Variants in DHX15 observed in about 807,000 individuals in gnomAD.
DHX15 encodes DEAH-box helicase 15.
DHX15 carries 11 observed loss-of-function variants against 94.4 expected under a neutral mutation model. The observed-to-expected ratio is 0.12, with a 90% confidence interval of 0.07 to 0.19. DHX15 has a LOEUF of 0.19. DHX15 is among the 10% of genes least tolerant of loss of function. The probability of loss-of-function intolerance (pLI) is 1.00; values close to 1 mark genes in which losing one functional copy is unlikely to be tolerated. For missense variants in DHX15, 304 were observed against 988.5 expected, an observed-to-expected ratio of 0.31 and a Z score of 9.29; for synonymous variants, 338 against 329.9, an observed-to-expected ratio of 1.02 and a Z score of -0.27.
At chr4:24,539,293 C>T (rs868833747) in intron 10 of DHX15, 61 of 152,246 alleles carry the variant, frequency 4.0e-4, no homozygotes, top group African/African-American at 1.3e-3. Flanking sequence ...AGTCAGTTCT[C>T]TCCCGTGCTA....
chr4:24,532,209 C>T (rs1004341506), intron 12 of DHX15, among the ~76,000 whole-genome samples: 3 of 152,116 alleles, frequency 2.0e-5, no homozygotes, highest in Non-Finnish European at 4.4e-5. Flanking sequence ...TTCTTATAGC[C>T]GTTAACACAG....
intron 11 of DHX15, among the ~76,000 whole-genome samples, chr4:24,534,931 C>T (rs1417726706): frequency 4.0e-5 from 6 of 148,714 alleles, no homozygotes; most frequent in Admixed American, 1.3e-4. Context: ...AATAATAACA[C>T]GTGGGGATCT....
intron 6 of DHX15, among the ~76,000 whole-genome samples, chr4:24,545,816 A>G (rs1721410271): frequency 1.3e-5 from 2 of 152,192 alleles, no homozygotes; most frequent in Non-Finnish European, 1.5e-5. Context: ...AATCAATATA[A>G]TTGTTACATG....
chr4:24,581,946 T>C (rs754284405), intron 1 of DHX15, among the ~76,000 whole-genome samples: 3 of 152,132 alleles, frequency 2.0e-5, no homozygotes, highest in Non-Finnish European at 4.4e-5. Context: ...TTTGGGAGCA[T>C]TAATATAAGT....
At chr4:24,544,826 GA>G (rs1282180202) in intron 6 of DHX15, among the ~76,000 whole-genome samples, 1 of 152,202 alleles carries the variant, frequency 6.6e-6, no homozygotes, top group African/African-American at 2.4e-5. Context: ...AAACTATACA[GA>G]ATAGGCCAGG....
rs1429354149 is a variant in DHX15, at chr4:24,584,491, CT to C, written c.-99del. On this transcript the variant is annotated 5_prime_UTR_variant, in exon 1 of 14. Transcript: ENST00000336812. ...ACTTAACTCTGGAGGACCCCCACCC[CT>C]CCCGCTACTACAGCCCACACGGTGC... 1 of 1,175,194 alleles carries C rather than the reference CT, an allele frequency of 8.5e-7. No homozygotes were observed. Among genetic ancestry groups the C allele is most frequent in the East Asian group, 3.0e-5 (1 of 33,890 alleles). The allele number at this position is 1,175,194 out of a possible 1,614,324, so 72.8% of individuals were successfully genotyped here.
At chr4:24,555,821 T>C (rs1721728216) in intron 4 of DHX15, among the ~76,000 whole-genome samples, 1 of 152,168 alleles carries the variant, frequency 6.6e-6, no homozygotes, top group Non-Finnish European at 1.5e-5. Flanking sequence ...AGTGACTACA[T>C]TTCTAAGGAG....
intron 6 of DHX15, among the ~76,000 whole-genome samples, 170 bp downstream of exon 6, chr4:24,548,685 A>G (rs1721516242): frequency 6.6e-6 from 1 of 152,256 alleles, no homozygotes; most frequent in East Asian, 1.9e-4. Context: ...AGCAGTACTC[A>G]TTCTTACTTT....
intron 2 of DHX15, among the ~76,000 whole-genome samples, chr4:24,573,647 A>G (rs951127740): frequency 6.6e-6 from 1 of 152,088 alleles, no homozygotes; most frequent in Non-Finnish European, 1.5e-5. Flanking sequence ...TTCCTCTTCA[A>G]TTCAAGAGCT....
rs1721117509 is a variant in DHX15 at position 24,532,989 on chromosome 4, T to C, written c.1975A>G (p.Asn659Asp). The C allele has an allele frequency of 6.2e-7, 1 of 1,614,148 alleles. No individual in the cohort carries two copies. Among genetic ancestry groups the C allele is most frequent in the Non-Finnish European group, 8.5e-7 (1 of 1,180,000 alleles). The change falls in exon 12 of 14, where the codon AAT (asparagine) becomes GAT (aspartate). Residue 659 changes from asparagine (N) to aspartate (D), a missense_variant. Around this residue, in one of 9 missense-constraint regions of DHX15, gnomAD observed 44 missense variants for 236.7 expected, o/e 0.19. Transcript: ENST00000336812. ...INYRSLMSADNVRQQLSRIMD... is the reference protein window; with the variant it reads ...INYRSLMSADDVRQQLSRIMD... Reference sequence around the variant, plus strand: ...ATTCGAGATAGCTGCTGGCGTACATTGTCTGCGGACATCAGGGACCTGTAG... The same window carrying C: ...ATTCGAGATAGCTGCTGGCGTACATCGTCTGCGGACATCAGGGACCTGTAG...
At chr4:24,533,081 A>C (rs758626679) in intron 11 of DHX15, 27 bp from the exon 12 acceptor site, 29 of 1,589,722 alleles carry the variant, frequency 1.8e-5, no homozygotes, top group Non-Finnish European at 2.5e-5. Flanking sequence ...CGGGGAGAAA[A>C]GAAGGCACCA....
At chr4:24,550,112 A>AAAAAAAAAAAAAAAAAAAAAAAAG in intron 5 of DHX15, among the ~76,000 whole-genome samples, 1 of 142,874 alleles carries the variant, frequency 7.0e-6, no homozygotes, top group Non-Finnish European at 1.6e-5. Context: ...AAAAAAAAAA[A>AAAAAAAAAAAAAAAAAAAAAAAAG]AAAAAAAAAA....
chr4:24,531,241 A>G (rs906535933), intron 12 of DHX15, among the ~76,000 whole-genome samples: 3 of 151,966 alleles, frequency 2.0e-5, no homozygotes, highest in Admixed American at 6.5e-5. Flanking sequence ...GGCACCCGCC[A>G]CCGCGCCCGG....
intron 2 of DHX15, among the ~76,000 whole-genome samples, chr4:24,575,655 C>T (rs1722242100): frequency 3.9e-5 from 6 of 152,152 alleles, no homozygotes. Flanking sequence ...ATTTCTGCTT[C>T]CTACAGAAAC....
chr4:24,562,369 G>A (rs1309810804), intron 3 of DHX15, among the ~76,000 whole-genome samples: 1 of 152,070 alleles, frequency 6.6e-6, no homozygotes, highest in Admixed American at 6.6e-5. Flanking sequence ...TACATGGAGC[G>A]ATGAGGAACA....
rs1417329121 is a variant in DHX15 at position 24,547,915 on chromosome 4, A to ATCTATATATC, written c.1248+939_1248+940insGATATATAGA. On this transcript the variant is annotated intron_variant, in intron 6 of 13. Transcript: ENST00000336812. ...TATGTATGTATGTGTATATATATAT[A>ATCTATATATC]TATATATATATATATATATATATAT... Among the ~76,000 whole-genome samples, 7 of 53,776 alleles carry ATCTATATATC rather than the reference A, an allele frequency of 1.3e-4. 1 individual carries two copies. Among genetic ancestry groups the ATCTATATATC allele is most frequent in the Non-Finnish European group, 2.0e-4 (6 of 29,368 alleles). The allele number at this position is 53,776 out of a possible 152,430, so 35.3% of individuals were successfully genotyped here.
intron 12 of DHX15, 51 bp from the exon 13 acceptor site, chr4:24,529,821 T>G (rs778222009): frequency 1.3e-6 from 2 of 1,573,960 alleles, no homozygotes; most frequent in Non-Finnish European, 1.7e-6. Flanking sequence ...GACTTGCTAG[T>G]TGTAAAGCTA....
At chr4:24,543,773 A>AT (rs1336025602) in intron 6 of DHX15, among the ~76,000 whole-genome samples, 2 of 151,716 alleles carry the variant, frequency 1.3e-5, no homozygotes, top group African/African-American at 4.8e-5. Flanking sequence ...GTTACATATA[A>AT]TTTTTTTTTA....
intron 6 of DHX15, among the ~76,000 whole-genome samples, chr4:24,547,572 C>T (rs1721451101): frequency 6.6e-6 from 1 of 152,100 alleles, no homozygotes; most frequent in African/African-American, 2.4e-5. Context: ...ACCAGTTTCA[C>T]TCAATGGTAA....
Sources: gnomAD v4.1 joint callset for allele counts (sites outside exome capture counted in the v4.1 genomes callset) on GRCh38, gnomAD v4.1.1 for gene constraint, gnomAD v4.1.1 regional missense constraint, MANE v1.5 for transcripts, NCBI Gene and HGNC (gene_info 2026-07-23, HGNC 2026-07-21) for gene names.